Variants in ECD observed in about 807,000 individuals in gnomAD.
The protein encoded by ECD is ecdysoneless cell cycle regulator.
Under a neutral mutation model 77.2 loss-of-function variants are expected in ECD, and 59 were observed. The observed-to-expected ratio is 0.76, with a 90% CI of 0.62 to 0.95. The LOEUF (loss-of-function observed/expected upper bound fraction) is 0.95. Among genes scored for constraint, ECD ranks in the 40% least tolerant of loss-of-function variants. The probability of loss-of-function intolerance (pLI) is 0.00; values close to 1 mark genes in which losing one functional copy is unlikely to be tolerated. For missense variants in ECD, 704 were observed against 763.4 expected, an observed-to-expected ratio of 0.92 and a Z score of 0.92; for synonymous variants, 233 against 267.4, an observed-to-expected ratio of 0.87 and a Z score of 1.26.
chr10:73,143,170 ATGTAT>A (rs1405194482), intron 9 of ECD, among the ~76,000 whole-genome samples: 1 of 152,130 alleles, frequency 6.6e-6, no homozygotes, highest in Admixed American at 6.6e-5. Flanking sequence ...TCTATAAATA[ATGTAT>A]TGTTTTGTTT....
At chr10:73,135,017 A>G (rs555625355) in intron 13 of ECD, among the ~76,000 whole-genome samples, 48 of 152,228 alleles carry the variant, frequency 3.2e-4, no homozygotes, top group Non-Finnish European at 6.3e-4. Flanking sequence ...TCTAAAGGTT[A>G]TAACACATTT....
Position 73,154,354 on chromosome 10 carries a change from C to A in ECD, c.685G>T (p.Ala229Ser). The A allele has an allele frequency of 6.2e-7, 1 of 1,614,132 alleles. No homozygotes were observed. Among genetic ancestry groups the A allele is most frequent in the Non-Finnish European group, 8.5e-7 (1 of 1,180,018 alleles). Reference sequence around the variant, plus strand: ...AGGTAAAATGCCTGGACTGCTGCAGCCACCAATCTGGGGCGCTGCTTTAGC... The same window carrying A: ...AGGTAAAATGCCTGGACTGCTGCAGACACCAATCTGGGGCGCTGCTTTAGC... ...AVLKQRPRLV[A>S]AAVQAFYLRD... Residue 229 changes from alanine (A) to serine (S), a missense_variant, in exon 6 of 14, where the codon GCT becomes TCT. This residue lies in a region of ECD where 559 missense variants were observed against 583.7 expected (regional missense o/e 0.96). Transcript: ENST00000372979.
chr10:73,164,764 T>C lies in ECD; in HGVS notation c.-13-814A>G, dbSNP rs1434957535. Among the ~76,000 whole-genome samples the C allele has an allele frequency of 2.6e-5, 4 of 152,344 alleles. No homozygotes were observed. The East Asian group carries it at 7.7e-4, about 29-fold the overall frequency. ...GGGGTTATAGGCATCTGGCCTAATATTATTTTTAATGACCCTTTACACTTA... is the reference window on the plus strand; with the variant it reads ...GGGGTTATAGGCATCTGGCCTAATACTATTTTTAATGACCCTTTACACTTA... On this transcript the variant is annotated intron_variant, in intron 1 of 13. Coordinates refer to ENST00000372979, the MANE Select transcript of ECD (RefSeq NM_007265.3).
intron 2 of ECD, among the ~76,000 whole-genome samples, chr10:73,162,948 T>C (rs1239098291): frequency 1.3e-5 from 2 of 152,162 alleles, no homozygotes; most frequent in East Asian, 1.9e-4. Flanking sequence ...AACAGTGTCA[T>C]TGCATATACG....
chr10:73,166,136 T>C (rs971693566), intron 1 of ECD, among the ~76,000 whole-genome samples: 2 of 152,078 alleles, frequency 1.3e-5, no homozygotes, highest in African/African-American at 4.8e-5. Context: ...GTTCCATCCA[T>C]GTTGTTACAA....
At chr10:73,149,971 C>A (rs1164180394) in intron 7 of ECD, among the ~76,000 whole-genome samples, 1 of 151,686 alleles carries the variant, frequency 6.6e-6, no homozygotes, top group East Asian at 1.9e-4. Context: ...AGATTCAATG[C>A]CATCCCCATC....
chr10:73,157,485 G>A (rs1017516872), intron 3 of ECD, among the ~76,000 whole-genome samples: 10 of 151,642 alleles, frequency 6.6e-5, no homozygotes, highest in East Asian at 2.0e-4. Context: ...TTGGGAGGCC[G>A]AGGTGGGCGG....
At chr10:73,155,227 C>A (rs919617496) in intron 5 of ECD, among the ~76,000 whole-genome samples, 15 of 151,776 alleles carry the variant, frequency 9.9e-5, no homozygotes, top group Non-Finnish European at 1.9e-4. Context: ...CCACCACGCC[C>A]GGCTAATTTT....
In ECD at chr10:73,163,794, A is replaced by G; in HGVS notation, c.144T>C (p.Pro48=). The part of the protein sequence containing the change: ...YIERIITRFA[P]MLVPYIWQNQ... ...TCTGCCAGATGTAGGGGACCAGCAT[A>G]GGTGCAAACCGAGTGATTATTCTCT... The change falls in exon 2 of 14, where the codon CCT becomes CCC. Residue 48 remains proline (P), a synonymous_variant. Coordinates refer to ENST00000372979, the MANE Select transcript of ECD (RefSeq NM_007265.3). 1.2e-6 allele frequency: 2 copies of G among 1,614,174 alleles called. No homozygotes were observed. The highest frequency in any genetic ancestry group is 1.7e-6 in the Non-Finnish European group (2 of 1,180,036).
rs1288053605 is a variant in ECD, at chr10:73,139,681, AATGGTATTGTCTGTAAT to A, written c.1167_1183del (p.Leu389PhefsTer2). ...TTCTTTCTTAAGGTCTTCTATATCA[AATGGTATTGTCTGTAAT>A]AAGGTTAAGATTTCTTCACCAGGGC... is the stretch of plus-strand genomic sequence containing the variant. On this transcript the variant is annotated frameshift_variant, in exon 10 of 14. Coordinates refer to ENST00000372979, the MANE Select transcript of ECD (RefSeq NM_007265.3). LOFTEE classifies it high-confidence loss of function. 2 of 1,612,260 alleles carry A rather than the reference AATGGTATTGTCTGTAAT, an allele frequency of 1.2e-6. No homozygotes were observed. The highest frequency in any genetic ancestry group is 1.7e-6 in the Non-Finnish European group (2 of 1,179,604).
rs1842949431 is a variant in ECD at position 73,133,915 on chromosome 10, A to C, written c.*668T>G. The stretch of plus-strand genomic sequence containing the variant: ...GTGGTTTCTAGGGGCTGGGAGTAGA[A>C]GGGAATGAGAGACTATTAGTGAGTA... On this transcript the variant is annotated 3_prime_UTR_variant, in exon 14 of 14. Transcript: ENST00000372979. 1 of 152,162 alleles carries C rather than the reference A, an allele frequency of 6.6e-6. No individual in the cohort carries two copies. The highest frequency in any genetic ancestry group is 1.5e-5 in the Non-Finnish European group (1 of 68,022). The allele number at this position is 152,162 out of a possible 1,614,324, so 9.4% of individuals were successfully genotyped here.
intron 13 of ECD, among the ~76,000 whole-genome samples, chr10:73,135,155 G>C (rs2133243519): frequency 6.6e-6 from 1 of 152,258 alleles, no homozygotes; most frequent in African/African-American, 2.4e-5. Context: ...AAACATAAAA[G>C]TGAATATTAA....
intron 1 of ECD, among the ~76,000 whole-genome samples, chr10:73,164,326 TG>T (rs1843421828): frequency 1.3e-5 from 2 of 150,728 alleles, no homozygotes; most frequent in Admixed American, 1.3e-4. Context: ...CACTCCAGCT[TG>T]GGTGACAGAG....
intron 11 of ECD, among the ~76,000 whole-genome samples, 158 bp downstream of exon 11, chr10:73,139,148 ACTT>A (rs2133248069): frequency 6.6e-6 from 1 of 151,822 alleles, no homozygotes; most frequent in East Asian, 1.9e-4. Context: ...TAGAAATCTG[ACTT>A]CAAATAAGTA....
intron 3 of ECD, among the ~76,000 whole-genome samples, chr10:73,158,715 A>G (rs937405910): frequency 2.0e-4 from 31 of 152,026 alleles, no homozygotes; most frequent in Non-Finnish European, 7.4e-5. Flanking sequence ...CAGTCTGGGC[A>G]AGAGAGTGAG....
At chr10:73,143,111 C>T (rs1843079237) in intron 9 of ECD, among the ~76,000 whole-genome samples, 1 of 152,170 alleles carries the variant, frequency 6.6e-6, no homozygotes, top group Non-Finnish European at 1.5e-5. Context: ...GGGCCTGGCA[C>T]ATAGGAGGCA....
chr10:73,165,454 C>T (rs770451313), intron 1 of ECD, among the ~76,000 whole-genome samples: 68 of 151,588 alleles, frequency 4.5e-4, no homozygotes, highest in Admixed American at 7.9e-4. Flanking sequence ...CAGGTTCAAG[C>T]GATTCTTTTG....
chr10:73,146,261 T>C lies in ECD; in HGVS notation c.1127+15A>G. ...AATACCAATCTTTGTAGTAGGAGTC[T>C]TAACAATAACTCACCTTTCTGGCCA... On this transcript the variant is annotated intron_variant, in intron 9 of 13. Transcript: ENST00000372979. 1 of 1,535,646 alleles carries C rather than the reference T, an allele frequency of 6.5e-7. No homozygotes were observed. Among genetic ancestry groups the C allele is most frequent in the Non-Finnish European group, 8.9e-7 (1 of 1,122,164 alleles).
intron 2 of ECD, among the ~76,000 whole-genome samples, chr10:73,161,114 A>C (rs1843371005): frequency 6.6e-6 from 1 of 152,150 alleles, no homozygotes; most frequent in Non-Finnish European, 1.5e-5. Context: ...AAGCAGTGCT[A>C]AAAAGGAAGT....
Sources: allele counts gnomAD v4.1 joint callset (sites outside exome capture counted in the v4.1 genomes callset), GRCh38; gene constraint gnomAD v4.1.1; regional missense constraint gnomAD v4.1.1; transcripts MANE v1.5; gene names NCBI Gene and HGNC (gene_info 2026-07-23, HGNC 2026-07-21).